The following HS2ST1 variants were observed in gnomAD, a reference collection of about 807,000 sequenced individuals.
The protein encoded by HS2ST1 is 2-O-sulfotransferase.
Under a neutral mutation model 42.9 loss-of-function variants are expected in HS2ST1, and 18 were observed. The observed-to-expected ratio is 0.42, with a 90% confidence interval of 0.29 to 0.62. The LOEUF is 0.62. HS2ST1 is among the 20% of genes least tolerant of loss of function. HS2ST1 has a pLI of 0.21. For missense variants in HS2ST1, 334 were observed against 433.8 expected (o/e 0.77, Z 2.04); for synonymous variants, 146 against 152.9 (o/e 0.95, Z 0.33).
chr1:86,942,019 C>A lies in HS2ST1; in HGVS notation c.124+26859C>A, dbSNP rs1008688962. 4.6e-5 allele frequency among the ~76,000 whole-genome samples: 7 copies of A among 152,302 alleles called. No individual in the cohort carries two copies. The East Asian group carries it at 9.6e-4, about 21-fold the overall frequency. On this transcript the variant is annotated intron_variant, in intron 1 of 6. Coordinates refer to ENST00000370550, the MANE Select transcript of HS2ST1 (RefSeq NM_012262.4). ...TTATAAATAGTTGATAAAACCAGTT[C>A]TGCATCTGGATTGTTTTCATCCTTC...
At chr1:86,953,148 A>C (rs1223523462) in intron 1 of HS2ST1, among the ~76,000 whole-genome samples, 1 of 152,240 alleles carries the variant, frequency 6.6e-6, no homozygotes, top group African/African-American at 2.4e-5. Flanking sequence ...ATGATTCTTT[A>C]AACCTGTACT....
At chr1:87,086,899 AT>A (rs1300194587) in intron 3 of HS2ST1, among the ~76,000 whole-genome samples, 1 of 126,376 alleles carries the variant, frequency 7.9e-6, no homozygotes, top group African/African-American at 2.9e-5. Context: ...GAATGATACA[AT>A]TTTAAGATAA....
At chr1:86,972,864 T>C (rs1384725267) in intron 1 of HS2ST1, among the ~76,000 whole-genome samples, 1 of 152,214 alleles carries the variant, frequency 6.6e-6, no homozygotes, top group Admixed American at 6.5e-5. Flanking sequence ...GCACATTAGA[T>C]TTAGTTGTCT....
intron 1 of HS2ST1, among the ~76,000 whole-genome samples, chr1:87,026,282 T>G (rs564915471): frequency 2.0e-4 from 30 of 152,328 alleles, no homozygotes; most frequent in African/African-American, 7.2e-4. Context: ...CTTGTAATTA[T>G]TCTAAGAGCA....
rs185571232 is a variant in HS2ST1, at chr1:87,099,068, G to A, written c.686+1133G>A. Among the ~76,000 whole-genome samples the A allele has an allele frequency of 9.2e-5, 14 of 152,252 alleles. No individual in the cohort carries two copies. The East Asian group carries it at 9.7e-4, about 11-fold the overall frequency. On this transcript the variant is annotated intron_variant, in intron 5 of 6. Coordinates refer to ENST00000370550, the MANE Select transcript of HS2ST1 (RefSeq NM_012262.4). ...GCTGGGATTACAGGCATGAGCCACC[G>A]TGCCCAGCTGTGTCACCTGTTTTAT...
chr1:86,998,898 C>A (rs1649187757), intron 1 of HS2ST1, among the ~76,000 whole-genome samples: 1 of 152,140 alleles, frequency 6.6e-6, no homozygotes, highest in African/African-American at 2.4e-5. Context: ...ATGCAGAATC[C>A]TCCTCCTCCC....
At chr1:87,064,914 G>T (rs1651210100) in intron 1 of HS2ST1, among the ~76,000 whole-genome samples, 1 of 152,166 alleles carries the variant, frequency 6.6e-6, no homozygotes, top group Non-Finnish European at 1.5e-5. Context: ...TGATCTTCCT[G>T]CCTTGGCTTC....
chr1:87,045,499 A>G (rs755556260), intron 1 of HS2ST1: 13 of 908,820 alleles, frequency 1.4e-5, no homozygotes, highest in Non-Finnish European at 2.2e-5. Flanking sequence ...TCAGCCGTAC[A>G]GTCACCTGGC....
intron 1 of HS2ST1, among the ~76,000 whole-genome samples, chr1:86,951,362 T>G (rs375992982): frequency 8.5e-5 from 13 of 152,258 alleles, no homozygotes; most frequent in African/African-American, 3.1e-4. Flanking sequence ...TATTATGGGT[T>G]CAATTCCAGA....
chr1:87,013,406 C>T (rs1649659722), intron 1 of HS2ST1, among the ~76,000 whole-genome samples: 1 of 152,244 alleles, frequency 6.6e-6, no homozygotes, highest in Admixed American at 6.5e-5. Flanking sequence ...TGTACCTTGG[C>T]CCCTTTTAGC....
chr1:86,983,198 C>T (rs1112998), intron 1 of HS2ST1, among the ~76,000 whole-genome samples: 105,957 of 152,118 alleles, frequency 0.7, 39,193 homozygotes, highest in East Asian at 0.97. Context: ...TTCACTTTCA[C>T]ATGATCTCTA....
At chr1:86,938,570 G>T (rs1299898227) in intron 1 of HS2ST1, among the ~76,000 whole-genome samples, 2 of 151,974 alleles carry the variant, frequency 1.3e-5, no homozygotes, top group African/African-American at 4.8e-5. Flanking sequence ...GAAAACAGTG[G>T]GATAGATGTT....
intron 1 of HS2ST1, among the ~76,000 whole-genome samples, chr1:86,953,887 G>A (rs1394746641): frequency 6.6e-6 from 1 of 152,040 alleles, no homozygotes; most frequent in Non-Finnish European, 1.5e-5. Flanking sequence ...CAGGAATAGG[G>A]AAGCCTGAGC....
At chr1:86,963,537 G>A (rs1647919408) in intron 1 of HS2ST1, among the ~76,000 whole-genome samples, 1 of 152,198 alleles carries the variant, frequency 6.6e-6, no homozygotes, top group African/African-American at 2.4e-5. Context: ...ACAAAATGGA[G>A]TCTCCTATGT....
chr1:87,100,731 T>C (rs1056906812), intron 5 of HS2ST1, among the ~76,000 whole-genome samples: 2 of 152,114 alleles, frequency 1.3e-5, no homozygotes, highest in Admixed American at 6.5e-5. Flanking sequence ...CCCAGAAATT[T>C]GAGACTAGCC....
chr1:87,062,861 A>G (rs967361753), intron 1 of HS2ST1, among the ~76,000 whole-genome samples: 1 of 152,112 alleles, frequency 6.6e-6, no homozygotes, highest in Non-Finnish European at 1.5e-5. Context: ...TATTGGCTCC[A>G]TGGTTCGTGA....
chr1:86,916,963 T>C (rs963824967), intron 1 of HS2ST1, among the ~76,000 whole-genome samples: 1 of 152,190 alleles, frequency 6.6e-6, no homozygotes, highest in African/African-American at 2.4e-5. Flanking sequence ...AGACACAATC[T>C]GAATGATTTT....
intron 1 of HS2ST1, among the ~76,000 whole-genome samples, chr1:87,005,752 C>A (rs1649421206): frequency 6.6e-6 from 1 of 152,104 alleles, no homozygotes; most frequent in Non-Finnish European, 1.5e-5. Context: ...ACATGCCAAT[C>A]CTTGTTCTCC....
intron 1 of HS2ST1, among the ~76,000 whole-genome samples, chr1:87,002,211 C>T (rs926468969): frequency 5.3e-5 from 8 of 152,174 alleles, no homozygotes; most frequent in African/African-American, 1.7e-4. Flanking sequence ...CGTGCCCGGC[C>T]GGACTATTGT....
Sources: allele counts gnomAD v4.1 joint callset (sites outside exome capture counted in the v4.1 genomes callset), GRCh38; gene constraint gnomAD v4.1.1; transcripts MANE v1.5; gene names NCBI Gene and HGNC (gene_info 2026-07-23, HGNC 2026-07-21).